DSCAML1: variants seen among roughly 807,000 people sequenced by gnomAD.
DSCAML1 encodes cell adhesion molecule DSCAML1.
A neutral mutation model predicts 200.5 loss-of-function variants in DSCAML1; 38 were observed. The observed-to-expected ratio is 0.19, with a 90% CI of 0.15 to 0.25. The LOEUF (loss-of-function observed/expected upper bound fraction) is 0.25. Ranked by LOEUF, DSCAML1 falls within the 10% of genes least tolerant of loss-of-function variation. The pLI, the probability that DSCAML1 is intolerant of heterozygous loss-of-function variation, is 1.00. For synonymous variants in DSCAML1, 1,215 were observed against 1,165.0 expected (o/e 1.04, Z -0.87); for missense variants, 2,223 against 2,858.8 (o/e 0.78, Z 5.07).
intron 31 of DSCAML1, 144 bp downstream of exon 31, chr11:117,431,390 G>A (rs771116871): frequency 3.0e-5 from 23 of 757,320 alleles, no homozygotes; most frequent in South Asian, 6.3e-5. Context: ...TGCACAGTGG[G>A]TCAGTGACCA....
At chr11:117,443,779 T>G (rs1592586101) in intron 21 of DSCAML1, 107 bp downstream of exon 21, 1 of 1,448,336 alleles carries the variant, frequency 6.9e-7, no homozygotes, top group Non-Finnish European at 9.2e-7. Flanking sequence ...CACAGCTGGG[T>G]GGCAGATAAA....
rs760875791 is a variant in DSCAML1 at position 117,482,151 on chromosome 11, T to C, written c.2371A>G (p.Ile791Val). 9 of 1,613,932 alleles carry C rather than the reference T, an allele frequency of 5.6e-6. No homozygotes were observed. The highest frequency in any genetic ancestry group is 7.6e-6 in the Non-Finnish European group (9 of 1,179,974). Residue 791 changes from isoleucine to valine, a missense_variant, in exon 12 of 33, where the codon ATC becomes GTC. Ile to Val is a conservative substitution (Grantham distance 29). This residue lies in a region of DSCAML1 where 438 missense variants were observed against 629.7 expected (regional missense o/e 0.70). Transcript: ENST00000651296. ...MFLTVKIPAM[I>V]TSHPNTTIAI... ...ATGGTGGTGTTGGGGTGGGAAGTGA[T>C]CATGGCCGGGACTGGGGGGCGGAGG... is the stretch of plus-strand genomic sequence containing the variant.
chr11:117,750,100 G>A (rs1374619828), intron 3 of DSCAML1, among the ~76,000 whole-genome samples: 1 of 152,194 alleles, frequency 6.6e-6, no homozygotes, highest in African/African-American at 2.4e-5. Context: ...GCCTTTCTGG[G>A]TTGCAGTTCT....
At chr11:117,450,934 G>C (rs1288842953) in intron 19 of DSCAML1, among the ~76,000 whole-genome samples, 1 of 152,146 alleles carries the variant, frequency 6.6e-6, no homozygotes, top group Non-Finnish European at 1.5e-5. Flanking sequence ...CTTCAGAACT[G>C]TTTGGCCAGA....
rs529711188 is a variant in DSCAML1 at position 117,788,322 on chromosome 11, T to TTTG, written c.47-7515_47-7513dup. 9.1e-4 allele frequency among the ~76,000 whole-genome samples: 139 copies of TTTG among 152,168 alleles called. 1 individual carries two copies. The East Asian group carries it at 0.023, about 25-fold the overall frequency. On this transcript the variant is annotated intron_variant, in intron 1 of 32. Transcript: ENST00000651296. ...TTGTTGTTGTTGTTTTGTTTTTGTT[T>TTTG]TTGTTGTTGTTGTTGTTGTTTTGAG... is the stretch of plus-strand genomic sequence containing the variant.
In DSCAML1 at chr11:117,756,945, C is replaced by T. The variant is rs117847302; in HGVS notation, c.511+19846G>A. On this transcript the variant is annotated intron_variant, in intron 3 of 32. Transcript: ENST00000651296. ...GCTGTAGAATTGGGGTTGCTTTGAC[C>T]TGGAGGATGGGACACCAGGGTGAGG... 4.2e-3 allele frequency among the ~76,000 whole-genome samples: 638 copies of T among 152,254 alleles called. 3 individuals are homozygous for T. The highest frequency in any genetic ancestry group is 0.022 in the South Asian group (107 of 4,826).
At position 117,813,923 on chromosome 11, in the gene DSCAML1, C is replaced by A. The variant is rs374664742; in HGVS notation, c.-250+3467G>T. Among the ~76,000 whole-genome samples, 3 of 152,364 alleles carry A rather than the reference C, an allele frequency of 2.0e-5. No homozygotes were observed. The East Asian group carries it at 5.8e-4, about 29-fold the overall frequency. On this transcript the variant is annotated intron_variant, in intron 1 of 2. Transcript: ENST00000525836. The stretch of plus-strand genomic sequence containing the variant: ...GTCAGGCCTCTGAGCCCAAGCCAAG[C>A]CATCGCATCCCCTGTGACTTGCACC...
Position 117,489,501 on chromosome 11 carries a change from A to G in DSCAML1, c.2360-7339T>C, listed in dbSNP as rs1200885849. Among the ~76,000 whole-genome samples the G allele has an allele frequency of 6.6e-6, 1 of 152,200 alleles. No individual in the cohort carries two copies. The highest frequency in any genetic ancestry group is 6.5e-5 in the Admixed American group (1 of 15,286). ...GGGGACTTGAGAGAAGGGAAGGGCT[A>G]GGGCTAGGCACAGTGGTGTGGGTGA... On this transcript the variant is annotated intron_variant, in intron 11 of 32. Coordinates refer to ENST00000651296, the MANE Select transcript of DSCAML1 (RefSeq NM_020693.4). This position sits in a 1 kb window ranked among gnomAD's most constrained non-coding sequence, Gnocchi z 4.8.
At chr11:117,558,709 G>A (rs1027913536) in intron 3 of DSCAML1, among the ~76,000 whole-genome samples, 1 of 152,172 alleles carries the variant, frequency 6.6e-6, no homozygotes, top group Non-Finnish European at 1.5e-5. Context: ...TAAGAGCCAA[G>A]CTCCCCGAAA....
At chr11:117,707,619 T>G (rs1330451719) in intron 3 of DSCAML1, among the ~76,000 whole-genome samples, 1 of 152,176 alleles carries the variant, frequency 6.6e-6, no homozygotes, top group Non-Finnish European at 1.5e-5. Flanking sequence ...CTGCAACCTC[T>G]GCCTTCCGGG....
chr11:117,664,899 T>G (rs552390894), intron 3 of DSCAML1, among the ~76,000 whole-genome samples: 3 of 152,326 alleles, frequency 2.0e-5, no homozygotes, highest in African/African-American at 7.2e-5. Context: ...CGGCCGCGTG[T>G]CTGCTGGGCA....
chr11:117,530,620 G>C (rs2050060462), intron 4 of DSCAML1, among the ~76,000 whole-genome samples: 1 of 152,196 alleles, frequency 6.6e-6, no homozygotes, highest in South Asian at 2.1e-4. Context: ...ACACAGGGGT[G>C]AATCGGGAGC....
chr11:117,747,137 T>G (rs981049353), intron 3 of DSCAML1, among the ~76,000 whole-genome samples: 3 of 152,180 alleles, frequency 2.0e-5, no homozygotes, highest in Non-Finnish European at 4.4e-5. Flanking sequence ...TCCCTTGCCC[T>G]TCCTGAGTCT....
chr11:117,709,719 A>T (rs1027452005), intron 3 of DSCAML1: 1 of 454,886 alleles, frequency 2.2e-6, no homozygotes, highest in African/African-American at 2.0e-5. Context: ...AGGCTTCATC[A>T]GGGGAAGCCA....
At chr11:117,763,129 A>G (rs1271954902) in intron 3 of DSCAML1, among the ~76,000 whole-genome samples, 1 of 152,068 alleles carries the variant, frequency 6.6e-6, no homozygotes, top group African/African-American at 2.4e-5. Context: ...GCACAGGAGT[A>G]AGACAGGAGT....
At chr11:117,817,002 G>T (rs2055816145) in intron 1 of DSCAML1, among the ~76,000 whole-genome samples, 1 of 152,222 alleles carries the variant, frequency 6.6e-6, no homozygotes, top group Non-Finnish European at 1.5e-5. Context: ...AAGCCCTCCT[G>T]CCCCCATGCC....
In DSCAML1 at chr11:117,516,510, C is replaced by T. The variant is rs758317892; in HGVS notation, c.1740G>A (p.Gln580=). ...EGEYLCSVLI[Q]PQLSISQSVH... ...CGCTCTGGCTGATGGAGAGCTGGGG[C>T]TGGATGAGGACACTGCACAGGTACT... The change falls in exon 8 of 33, where the codon CAG becomes CAA. Residue 580 remains glutamine (Q), a synonymous_variant. Coordinates refer to ENST00000651296, the MANE Select transcript of DSCAML1 (RefSeq NM_020693.4). This position sits in a 1 kb window ranked among gnomAD's most constrained non-coding sequence, Gnocchi z 5.7. 1.7e-5 allele frequency: 28 copies of T among 1,613,956 alleles called. No homozygotes were observed. Among genetic ancestry groups the T allele is most frequent in the Non-Finnish European group, 2.2e-5 (26 of 1,180,002 alleles).
intron 3 of DSCAML1, among the ~76,000 whole-genome samples, chr11:117,744,998 G>A (rs1443810599): frequency 5.2e-5 from 7 of 135,092 alleles, no homozygotes; most frequent in Admixed American, 7.8e-5. Context: ...CCTGACAGCC[G>A]CAGTGATTAC....
chr11:117,489,285 G>C lies in DSCAML1; in HGVS notation c.2360-7123C>G, dbSNP rs1464996315. On this transcript the variant is annotated intron_variant, in intron 11 of 32. Transcript: ENST00000651296. This position sits in a 1 kb window ranked among gnomAD's most constrained non-coding sequence, Gnocchi z 4.8. The stretch of plus-strand genomic sequence containing the variant: ...TTTAGGGGTGCAGGCGGGAGAGCCG[G>C]GGTGGGGTATATGCACAGGGCTGGG... 6.6e-6 allele frequency among the ~76,000 whole-genome samples: 1 copy of C among 152,232 alleles called. No individual in the cohort carries two copies. The highest frequency in any genetic ancestry group is 1.5e-5 in the Non-Finnish European group (1 of 68,048).
Sources: gnomAD v4.1 joint callset for allele counts (sites outside exome capture counted in the v4.1 genomes callset) on GRCh38, gnomAD v4.1.1 for gene constraint, gnomAD v4.1.1 regional missense constraint, Gnocchi (gnomAD v3.1) non-coding constraint, MANE v1.5 for transcripts, NCBI Gene and HGNC (gene_info 2026-07-23, HGNC 2026-07-21) for gene names.